The following KCNAB2 variants were observed in gnomAD, a reference collection of about 807,000 sequenced individuals.
KCNAB2 encodes the protein voltage-gated potassium channel subunit beta-2.
Under a neutral mutation model 63.6 loss-of-function variants are expected in KCNAB2, and 29 were observed. That is an observed-to-expected ratio of 0.46 (90% confidence interval 0.34 to 0.62). KCNAB2 has a LOEUF of 0.62. Ranked by LOEUF, KCNAB2 falls within the 20% of genes least tolerant of loss-of-function variation. The probability of loss-of-function intolerance (pLI) is 0.01; values close to 1 mark genes in which losing one functional copy is unlikely to be tolerated. For missense variants in KCNAB2, 359 were observed against 563.9 expected, an observed-to-expected ratio of 0.64 and a Z score of 3.68; for synonymous variants, 222 against 224.2, an observed-to-expected ratio of 0.99 and a Z score of 0.09.
At chr1:6,001,194 A>AG (rs541874273) in intron 1 of KCNAB2, among the ~76,000 whole-genome samples, 4 of 151,916 alleles carry the variant, frequency 2.6e-5, no homozygotes, top group Non-Finnish European at 5.9e-5. Context: ...GCCTGGGTGG[A>AG]GGGAAGCTGA....
intron 2 of KCNAB2, among the ~76,000 whole-genome samples, chr1:6,065,513 A>T (rs1662670732): frequency 6.6e-6 from 1 of 151,020 alleles, no homozygotes; most frequent in African/African-American, 2.4e-5. Flanking sequence ...GCTCCCCAAG[A>T]CCCCCTGAGC....
Position 6,096,621 on chromosome 1 carries a change from C to G in KCNAB2, c.949-15C>G. 6.2e-7 allele frequency: 1 copy of G among 1,607,950 alleles called. No individual in the cohort carries two copies. The highest frequency in any genetic ancestry group is 8.5e-7 in the Non-Finnish European group (1 of 1,177,542). Reference sequence around the variant, plus strand: ...TCTCATCTGTAGCTGTGCTGCTCCCCTCCCCCGCAACCAGGGCTACCAGTG... The same window carrying G: ...TCTCATCTGTAGCTGTGCTGCTCCCGTCCCCCGCAACCAGGGCTACCAGTG... On this transcript the variant is annotated splice_polypyrimidine_tract_variant and intron_variant, in intron 13 of 15. Transcript: ENST00000378083. This position sits in a 1 kb window ranked among gnomAD's most constrained non-coding sequence, Gnocchi z 5.9.
chr1:6,072,430 T>C (rs547480047), intron 2 of KCNAB2, among the ~76,000 whole-genome samples: 34 of 152,230 alleles, frequency 2.2e-4, no homozygotes, highest in Non-Finnish European at 2.9e-4. Context: ...GATGGTGCCA[T>C]GGGGGTGAGA....
intron 1 of KCNAB2, among the ~76,000 whole-genome samples, chr1:5,993,795 G>A (rs1656741068): frequency 6.6e-6 from 1 of 152,138 alleles, no homozygotes; most frequent in Non-Finnish European, 1.5e-5. Flanking sequence ...TTGTGATTCA[G>A]CATTTTTGGG....
rs1663191969 is a variant in KCNAB2 at position 6,071,625 on chromosome 1, A to C, written c.219-1130A>C. 6.6e-6 allele frequency among the ~76,000 whole-genome samples: 1 copy of C among 152,186 alleles called. No homozygotes were observed. Among genetic ancestry groups the C allele is most frequent in the Non-Finnish European group, 1.5e-5 (1 of 68,018 alleles). On this transcript the variant is annotated intron_variant, in intron 2 of 15. Transcript: ENST00000378083. This position sits in a 1 kb window ranked among gnomAD's most constrained non-coding sequence, Gnocchi z 8.5. The stretch of plus-strand genomic sequence containing the variant: ...GTGGGAATCGATGTCACGACAAGCA[A>C]GGCGCCTGCTGCGTAGGGCACCTGC...
chr1:6,045,810 G>C, upstream of KCNAB2: 1 of 722,308 alleles, frequency 1.4e-6, no homozygotes, highest in African/African-American at 1.9e-5. The surrounding 1 kb of genome is among the most constrained non-coding windows in gnomAD (Gnocchi z 4.8). Flanking sequence ...GGGGATGGTG[G>C]AGGCAGCAAG....
At chr1:6,085,088 G>A in intron 5 of KCNAB2, 116 bp from the exon 6 acceptor site, 2 of 1,067,772 alleles carry the variant, frequency 1.9e-6, no homozygotes, top group Non-Finnish European at 2.9e-6. Context: ...TAACAGCCTG[G>A]CTCTCTGGCC....
chr1:6,095,205 C>T lies in KCNAB2; in HGVS notation c.733-118C>T, dbSNP rs1665515012. On this transcript the variant is annotated intron_variant, in intron 11 of 15. Transcript: ENST00000378083. ...GAGTGTGAGCAGTGGGGAGCCCGGGCTGCAGCTGCTGGGCCAGCCTGCTCC... is the reference window on the plus strand; with the variant it reads ...GAGTGTGAGCAGTGGGGAGCCCGGGTTGCAGCTGCTGGGCCAGCCTGCTCC... The T allele has an allele frequency of 3.7e-6, 4 of 1,072,428 alleles. No homozygotes were observed. In the South Asian group the frequency reaches 6.0e-5, roughly 16 times the overall value. 66.4% of individuals were successfully genotyped at this position (1,072,428 alleles called of 1,614,324 possible). A position where few individuals can be genotyped will look rare whatever the true frequency, so the allele number is the denominator to read the frequency against.
chr1:6,063,570 C>T (rs1302069970), intron 2 of KCNAB2, among the ~76,000 whole-genome samples: 2 of 151,836 alleles, frequency 1.3e-5, no homozygotes, highest in East Asian at 3.9e-4. Flanking sequence ...CCACCACAGC[C>T]AGCTAATTTT....
chr1:6,014,775 C>T (rs1027938305), intron 1 of KCNAB2, among the ~76,000 whole-genome samples: 13 of 152,204 alleles, frequency 8.5e-5, no homozygotes, highest in Admixed American at 6.5e-4. Context: ...CCGTCACCCT[C>T]GCCAGGCAGT....
Position 6,101,162 on chromosome 1 carries a change from T to TAAAAAATGACA in KCNAB2, c.*2591_*2592insAAATGACAAAA, listed in dbSNP as rs1666008060. On this transcript the variant is annotated 3_prime_UTR_variant, in exon 16 of 16. Coordinates refer to ENST00000378083, the MANE Select transcript of KCNAB2 (RefSeq NM_001199862.2). ...CCACCGTATTTATGGAATGACAAAA[T>TAAAAAATGACA]AAATAAAGCCCAAACCCATCGGTCT... 6.6e-6 allele frequency: 1 copy of TAAAAAATGACA among 151,946 alleles called. No homozygotes were observed. The highest frequency in any genetic ancestry group is 2.4e-5 in the African/African-American group (1 of 41,314). The allele number at this position is 151,946 out of a possible 1,614,324, so 9.4% of individuals were successfully genotyped here.
intron 1 of KCNAB2, among the ~76,000 whole-genome samples, chr1:6,008,249 C>T (rs1419999149): frequency 1.3e-5 from 2 of 151,942 alleles, no homozygotes; most frequent in Non-Finnish European, 1.5e-5. Context: ...CCCCCCATCA[C>T]CCTGACAGTG....
Position 6,053,435 on chromosome 1 carries a change from C to T in KCNAB2, c.218+1681C>T, listed in dbSNP as rs545553411. ...GCACGGAGACAAGTTCCAACAGCGA[C>T]CACTGGCCGAGGCAGCAAAGCAGGA... On this transcript the variant is annotated intron_variant, in intron 2 of 15. Coordinates refer to ENST00000378083, the MANE Select transcript of KCNAB2 (RefSeq NM_001199862.2). Among the ~76,000 whole-genome samples the T allele has an allele frequency of 9.9e-5, 15 of 152,272 alleles. No individual in the cohort carries two copies. In the South Asian group the frequency reaches 2.7e-3, roughly 27 times the overall value.
chr1:6,048,832 C>T (rs571516170), intron 1 of KCNAB2, among the ~76,000 whole-genome samples: 2 of 152,270 alleles, frequency 1.3e-5, no homozygotes, highest in South Asian at 2.1e-4. Context: ...CTGCCTGCCA[C>T]GCGCATGGAG....
chr1:6,083,067 G>A (rs1664347360), intron 5 of KCNAB2, among the ~76,000 whole-genome samples: 2 of 152,134 alleles, frequency 1.3e-5, no homozygotes, highest in Admixed American at 6.5e-5. Context: ...CCTGGGGAGC[G>A]CACAGCCCTG....
Position 6,096,894 on chromosome 1 carries a change from C to G in KCNAB2, c.1069+138C>G. The G allele has an allele frequency of 8.3e-7, 1 of 1,197,866 alleles. No homozygotes were observed. The highest frequency in any genetic ancestry group is 1.1e-6 in the Non-Finnish European group (1 of 883,840). 74.2% of individuals were successfully genotyped at this position (1,197,866 alleles called of 1,614,324 possible). On this transcript the variant is annotated intron_variant, in intron 14 of 15. Transcript: ENST00000378083. The surrounding 1 kb of genome is among the most constrained non-coding windows in gnomAD (Gnocchi z 5.9). ...GGGATCCCTGGACATCATCCCCCAG[C>G]CAGCCTCGGGTAATCGGGCTCTAAG... is the stretch of plus-strand genomic sequence containing the variant.
intron 2 of KCNAB2, among the ~76,000 whole-genome samples, chr1:6,059,402 C>T (rs902938132): frequency 1.3e-5 from 2 of 152,102 alleles, no homozygotes; most frequent in African/African-American, 4.8e-5. Context: ...GTTCCCCAGG[C>T]TAGCTGGGAA....
chr1:6,015,603 G>A (rs1200368841), intron 1 of KCNAB2, among the ~76,000 whole-genome samples: 2 of 152,270 alleles, frequency 1.3e-5, no homozygotes, highest in Admixed American at 6.5e-5. Context: ...CCTGTCCGCT[G>A]AAGACAGCTC....
chr1:6,034,208 G>A (rs1659851634), upstream of KCNAB2: 1 of 152,496 alleles, frequency 6.6e-6, no homozygotes, highest in East Asian at 1.9e-4. Flanking sequence ...AGTCGCTCCT[G>A]ATTGGACAGT....
Sources: gnomAD v4.1 joint callset for allele counts (sites outside exome capture counted in the v4.1 genomes callset) on GRCh38, gnomAD v4.1.1 for gene constraint, Gnocchi (gnomAD v3.1) non-coding constraint, MANE v1.5 for transcripts, NCBI Gene and HGNC (gene_info 2026-07-23, HGNC 2026-07-21) for gene names.